The following ZC4H2 variants were observed in gnomAD, a reference collection of about 807,000 sequenced individuals.
The protein encoded by ZC4H2 is zinc finger C4H2 domain-containing protein.
For synonymous variants in ZC4H2, 84 were observed against 66.3 expected, an observed-to-expected ratio of 1.27 and a Z score of -1.30; for missense variants, 137 against 173.9, an observed-to-expected ratio of 0.79 and a Z score of 1.19.
At chrX:65,010,036 T>C (rs1466723614) in intron 1 of ZC4H2, among the ~76,000 whole-genome samples, 6 of 112,539 alleles carry the variant, frequency 5.3e-5, no homozygotes, top group Non-Finnish European at 9.4e-5. Flanking sequence ...GAACTCACAT[T>C]CTTGAATAAA....
At chrX:64,918,066 A>T in intron 4 of ZC4H2, 170 bp from the exon 5 acceptor site, 1 of 549,882 alleles carries the variant, frequency 1.8e-6, no homozygotes, top group Non-Finnish European at 2.8e-6. Flanking sequence ...ATGGGAAGGA[A>T]GGACATAACC....
chrX:64,956,378 G>T (rs960188213), intron 1 of ZC4H2, among the ~76,000 whole-genome samples: 4 of 111,195 alleles, frequency 3.6e-5, no homozygotes, highest in African/African-American at 1.3e-4. Context: ...CATAATAGTA[G>T]TCTCCCTTGT....
At chrX:65,002,402 G>A (rs1202443014) in intron 1 of ZC4H2, among the ~76,000 whole-genome samples, 1 of 105,458 alleles carries the variant, frequency 9.5e-6, no homozygotes, top group East Asian at 3.1e-4. Flanking sequence ...GGAGGCGGGG[G>A]GTCAGCCCCC....
At chrX:64,918,985 G>A (rs1391925793) in intron 4 of ZC4H2, 57 bp downstream of exon 4, 15 of 1,118,378 alleles carry the variant, frequency 1.3e-5, no homozygotes, top group South Asian at 2.3e-5. Flanking sequence ...AGCCTTCCAC[G>A]GCCCTTCCAT....
intron 1 of ZC4H2, among the ~76,000 whole-genome samples, chrX:65,006,572 G>A (rs185370980): frequency 1.9e-5 from 2 of 105,651 alleles, no homozygotes; most frequent in East Asian, 3.0e-4. Flanking sequence ...GGTGGTGGGA[G>A]GGGGGAGGGA....
At chrX:65,006,166 C>T (rs1334862769) in intron 1 of ZC4H2, among the ~76,000 whole-genome samples, 1 of 111,658 alleles carries the variant, frequency 9.0e-6, no homozygotes, top group Non-Finnish European at 1.9e-5. Context: ...CCTCAAGGAT[C>T]TAGAAGCAGA....
At chrX:64,986,110 A>T (rs1211541299) in intron 1 of ZC4H2, among the ~76,000 whole-genome samples, 1 of 112,603 alleles carries the variant, frequency 8.9e-6, no homozygotes, top group Non-Finnish European at 1.9e-5. Flanking sequence ...TGCTTAAAAA[A>T]TATTTGAAAA....
chrX:64,961,448 A>G (rs1422607745), intron 1 of ZC4H2, among the ~76,000 whole-genome samples: 1 of 110,647 alleles, frequency 9.0e-6, no homozygotes, highest in Non-Finnish European at 1.9e-5. Context: ...TATTTCTGCC[A>G]TGCCTCTACT....
chrX:65,001,083 G>A (rs1363004179), intron 1 of ZC4H2, among the ~76,000 whole-genome samples: 1 of 110,802 alleles, frequency 9.0e-6, no homozygotes, highest in Non-Finnish European at 1.9e-5. Flanking sequence ...GAAAAAAAGA[G>A]AACACCACCA....
At chrX:64,996,650 AG>A (rs1169289895) in intron 1 of ZC4H2, among the ~76,000 whole-genome samples, 2 of 112,065 alleles carry the variant, frequency 1.8e-5, no homozygotes, top group Non-Finnish European at 3.8e-5. Flanking sequence ...AACTTTAAAA[AG>A]GAACCAAACA....
intron 1 of ZC4H2, among the ~76,000 whole-genome samples, chrX:64,943,826 T>C (rs922236669): frequency 9.8e-5 from 11 of 111,745 alleles, no homozygotes; most frequent in African/African-American, 3.6e-4. Flanking sequence ...ATTTAGCCTG[T>C]TTACATTTAA....
At chrX:64,926,483 T>C (rs750498317) in intron 1 of ZC4H2, among the ~76,000 whole-genome samples, 5 of 111,711 alleles carry the variant, frequency 4.5e-5, no homozygotes, top group African/African-American at 1.6e-4. Context: ...TGTTCCAGAG[T>C]GTATCATTTC....
intron 1 of ZC4H2, 57 bp from the exon 2 acceptor site, chrX:64,922,045 G>A: frequency 8.4e-7 from 1 of 1,184,798 alleles, no homozygotes; most frequent in Non-Finnish European, 1.1e-6. Flanking sequence ...AAATAGAAAT[G>A]GAGCCAGGAC....
At chrX:64,949,851 G>T (rs1930710355) in intron 1 of ZC4H2, among the ~76,000 whole-genome samples, 3 of 111,271 alleles carry the variant, frequency 2.7e-5, no homozygotes, top group Admixed American at 1.9e-4. Flanking sequence ...ATCTCCTTCA[G>T]TTCTGCTCTG....
At chrX:64,976,549 C>CG (rs1352826383), upstream of ZC4H2, 8 of 476,744 alleles carry the variant, frequency 1.7e-5, no homozygotes, top group Middle Eastern at 3.9e-4. Context: ...CCAGGAAGCC[C>CG]GGGGGCCTGT....
At chrX:64,919,857 C>A (rs1379637679) in intron 3 of ZC4H2, 11 of 351,318 alleles carry the variant, frequency 3.1e-5, no homozygotes, top group Admixed American at 5.2e-5. Context: ...TCTAGTAATT[C>A]ATCCAGTTTA....
chrX:65,033,079 C>A (rs1340779733), intron 1 of ZC4H2, among the ~76,000 whole-genome samples: 1 of 111,673 alleles, frequency 9.0e-6, no homozygotes, highest in Non-Finnish European at 1.9e-5. Flanking sequence ...GCCTGGCCCT[C>A]CACTAATGTT....
At chrX:65,008,849 T>C (rs938226165) in intron 1 of ZC4H2, among the ~76,000 whole-genome samples, 1 of 111,629 alleles carries the variant, frequency 9.0e-6, no homozygotes, top group African/African-American at 3.3e-5. Context: ...GGATTGTTAA[T>C]GAGTACAAAA....
At chrX:64,994,274 G>A (rs1932366591) in intron 1 of ZC4H2, among the ~76,000 whole-genome samples, 1 of 111,373 alleles carries the variant, frequency 9.0e-6, no homozygotes, top group South Asian at 3.8e-4. Context: ...GGCAGAAACA[G>A]AGTCACAGAG....
Sources: gnomAD v4.1 joint callset for allele counts (sites outside exome capture counted in the v4.1 genomes callset) on GRCh38, gnomAD v4.1.1 for gene constraint, MANE v1.5 for transcripts, NCBI Gene and HGNC (gene_info 2026-07-23, HGNC 2026-07-21) for gene names.